Variants in ITGA8 observed in about 807,000 individuals in gnomAD.
The protein encoded by ITGA8 is integrin alpha-8.
ITGA8 carries 91 observed loss-of-function variants against 142.3 expected under a neutral mutation model. That is an observed-to-expected ratio of 0.64 (90% CI 0.54 to 0.76). ITGA8 has a LOEUF of 0.76. Ranked by LOEUF, ITGA8 falls within the 30% of genes least tolerant of loss-of-function variation. ITGA8 has a pLI of 0.00. For synonymous variants in ITGA8, 505 were observed against 485.2 expected, an observed-to-expected ratio of 1.04 and a Z score of -0.54; for missense variants, 1,406 against 1,327.7, an observed-to-expected ratio of 1.06 and a Z score of -0.92.
At chr10:15,651,013 C>A (rs1333684531) in intron 11 of ITGA8, among the ~76,000 whole-genome samples, 1 of 152,082 alleles carries the variant, frequency 6.6e-6, no homozygotes, top group African/African-American at 2.4e-5. Flanking sequence ...AAGCTGTTTC[C>A]TTTCAATTGG....
intron 2 of ITGA8, among the ~76,000 whole-genome samples, chr10:15,703,776 T>G (rs1038415495): frequency 1.3e-5 from 2 of 152,128 alleles, no homozygotes; most frequent in Admixed American, 6.5e-5. Flanking sequence ...CACATAGGCA[T>G]GCTCAAACAC....
chr10:15,664,109 C>G (rs74654002), intron 8 of ITGA8, among the ~76,000 whole-genome samples: 121 of 152,194 alleles, frequency 8.0e-4, no homozygotes, highest in African/African-American at 2.8e-3. Flanking sequence ...TCAGAAGAAT[C>G]TTAGGAGGTA....
chr10:15,577,146 C>G (rs992971380), intron 23 of ITGA8, among the ~76,000 whole-genome samples: 1 of 152,094 alleles, frequency 6.6e-6, no homozygotes, highest in Non-Finnish European at 1.5e-5. Flanking sequence ...TCTAGGGAAA[C>G]TTTTATTTAT....
At chr10:15,656,603 A>G (rs1166933815) in intron 10 of ITGA8, among the ~76,000 whole-genome samples, 3 of 152,072 alleles carry the variant, frequency 2.0e-5, no homozygotes, top group Non-Finnish European at 4.4e-5. Flanking sequence ...ACCTCAGGTG[A>G]TCCACCCACT....
chr10:15,527,949 TC>T (rs1258334322), intron 28 of ITGA8, among the ~76,000 whole-genome samples: 3 of 133,156 alleles, frequency 2.3e-5, no homozygotes, highest in Admixed American at 1.7e-4. Flanking sequence ...AGGTTCTTGC[TC>T]TGTTGCCCAG....
intron 23 of ITGA8, among the ~76,000 whole-genome samples, chr10:15,583,176 T>C (rs1033984361): frequency 3.9e-5 from 6 of 152,164 alleles, no homozygotes; most frequent in African/African-American, 1.4e-4. Context: ...TGGAATACTA[T>C]GCAGCCATAA....
intron 2 of ITGA8, among the ~76,000 whole-genome samples, chr10:15,702,119 A>G (rs1163927073): frequency 6.6e-6 from 1 of 152,144 alleles, no homozygotes; most frequent in African/African-American, 2.4e-5. Flanking sequence ...AGAATATCAC[A>G]GTTTTCCTTA....
chr10:15,663,428 C>T (rs943545729), intron 8 of ITGA8, among the ~76,000 whole-genome samples: 1 of 151,992 alleles, frequency 6.6e-6, no homozygotes, highest in African/African-American at 2.4e-5. Context: ...CACTTAAAAC[C>T]CAATCCATTT....
At chr10:15,658,387 A>T (rs545346260) in intron 10 of ITGA8, among the ~76,000 whole-genome samples, 1 of 152,240 alleles carries the variant, frequency 6.6e-6, no homozygotes, top group East Asian at 1.9e-4. Context: ...TTGTTCTTAG[A>T]AAAAAATTCT....
At chr10:15,545,731 AT>A (rs373237543) in intron 27 of ITGA8, among the ~76,000 whole-genome samples, 45 of 152,156 alleles carry the variant, frequency 3.0e-4, no homozygotes, top group African/African-American at 9.9e-4. Context: ...TGACTTTAAA[AT>A]TCAGTATTGT....
chr10:15,516,993 A>C lies in ITGA8; in HGVS notation c.*165T>G, dbSNP rs9333253. 7.6e-3 allele frequency: 3,715 copies of C among 490,142 alleles called. 113 individuals are homozygous for C. Among genetic ancestry groups the C allele is most frequent in the African/African-American group, 0.069 (3,396 of 49,528 alleles). 30.4% of individuals were successfully genotyped at this position (490,142 alleles called of 1,614,324 possible). A position where few individuals can be genotyped will look rare whatever the true frequency, so the allele number is the denominator to read the frequency against. ...ACAGGGCTCACTGGGCACCCAGGACAATTTCTCCAAAGTGCGGTGTAGATG... is the reference window on the plus strand; with the variant it reads ...ACAGGGCTCACTGGGCACCCAGGACCATTTCTCCAAAGTGCGGTGTAGATG... On this transcript the variant is annotated 3_prime_UTR_variant, in exon 30 of 30. Transcript: ENST00000378076.
chr10:15,703,094 T>A (rs1457214699), intron 2 of ITGA8, among the ~76,000 whole-genome samples: 1 of 152,236 alleles, frequency 6.6e-6, no homozygotes, highest in African/African-American at 2.4e-5. Context: ...TATAATCGAA[T>A]ACTATAATAA....
At chr10:15,666,553 A>G (rs889357263) in intron 8 of ITGA8, among the ~76,000 whole-genome samples, 17 of 152,138 alleles carry the variant, frequency 1.1e-4, no homozygotes, top group Non-Finnish European at 1.5e-4. Context: ...TTCCAACACT[A>G]TGTTGAATAG....
chr10:15,583,415 A>G (rs1416896847), intron 23 of ITGA8, among the ~76,000 whole-genome samples: 3 of 152,174 alleles, frequency 2.0e-5, no homozygotes. Flanking sequence ...CCTAATGTAG[A>G]TGATGGGTTG....
At chr10:15,583,405 C>A (rs894140043) in intron 23 of ITGA8, among the ~76,000 whole-genome samples, 2 of 152,016 alleles carry the variant, frequency 1.3e-5, no homozygotes, top group African/African-American at 4.8e-5. Flanking sequence ...AGGAGAAATA[C>A]CTAATGTAGA....
chr10:15,620,579 C>T (rs1177292379), intron 13 of ITGA8, among the ~76,000 whole-genome samples: 1 of 152,168 alleles, frequency 6.6e-6, no homozygotes, highest in African/African-American at 2.4e-5. Context: ...AAACAGTTAC[C>T]TACCACAAAA....
At chr10:15,669,564 G>T (rs964462148) in intron 8 of ITGA8, among the ~76,000 whole-genome samples, 1 of 152,196 alleles carries the variant, frequency 6.6e-6, no homozygotes, top group African/African-American at 2.4e-5. Context: ...GCTGGTGAGA[G>T]GCTGCGTTCC....
chr10:15,663,078 T>G (rs1313495875), intron 8 of ITGA8, among the ~76,000 whole-genome samples: 1 of 152,200 alleles, frequency 6.6e-6, no homozygotes, highest in African/African-American at 2.4e-5. Context: ...CACCTAGCAG[T>G]GTGAGGATCC....
chr10:15,716,818 A>C (rs1380584331), intron 2 of ITGA8, among the ~76,000 whole-genome samples: 5 of 151,912 alleles, frequency 3.3e-5, no homozygotes, highest in African/African-American at 1.2e-4. Context: ...TTACACCCTT[A>C]GGCCCGGCTG....
Sources: allele counts gnomAD v4.1 joint callset (sites outside exome capture counted in the v4.1 genomes callset), GRCh38; gene constraint gnomAD v4.1.1; transcripts MANE v1.5; gene names NCBI Gene and HGNC (gene_info 2026-07-23, HGNC 2026-07-21).